The following UTRN variants were observed in gnomAD, a reference collection of about 807,000 sequenced individuals.
UTRN encodes the protein utrophin, also known as dystrophin-related protein 1.
A neutral mutation model predicts 463.9 loss-of-function variants in UTRN; 283 were observed. The observed-to-expected ratio is 0.61, with a 90% CI of 0.55 to 0.67. The LOEUF (loss-of-function observed/expected upper bound fraction) is 0.67, where lower values mean the gene tolerates loss of function less well. Among genes scored for constraint, UTRN ranks in the 30% least tolerant of loss-of-function variants. The probability of loss-of-function intolerance (pLI) is 0.00; values close to 1 mark genes in which losing one functional copy is unlikely to be tolerated. For missense variants in UTRN, 3,922 were observed against 4,084.3 expected (o/e 0.96, Z 1.08); for synonymous variants, 1,442 against 1,431.5 (o/e 1.01, Z -0.17).
At chr6:144,846,622 T>C (rs562919707) in intron 73 of UTRN, among the ~76,000 whole-genome samples, 183 bp from the exon 74 acceptor site, 1 of 152,006 alleles carries the variant, frequency 6.6e-6, no homozygotes, top group East Asian at 1.9e-4. Context: ...CTAGCCCTCA[T>C]TGAAGCATTA....
At chr6:144,526,758 T>G (rs1236478653) in intron 41 of UTRN, among the ~76,000 whole-genome samples, 1 of 152,024 alleles carries the variant, frequency 6.6e-6, no homozygotes, top group Non-Finnish European at 1.5e-5. Flanking sequence ...TTTTTTTTTT[T>G]TTTCATTTTG....
At chr6:144,448,443 A>G (rs1787914667) in intron 16 of UTRN, among the ~76,000 whole-genome samples, 157 bp from the exon 17 acceptor site, 2 of 152,180 alleles carry the variant, frequency 1.3e-5, no homozygotes, top group Admixed American at 1.3e-4. Context: ...GGGTGATAAA[A>G]TGTTCTGGAG....
intron 58 of UTRN, among the ~76,000 whole-genome samples, chr6:144,762,662 G>A (rs1792843789): frequency 1.3e-5 from 2 of 152,174 alleles, no homozygotes; most frequent in Admixed American, 1.3e-4. Flanking sequence ...GTTGGACCTT[G>A]AGAGGAACTC....
chr6:144,467,377 G>A (rs1045315662), intron 23 of UTRN, among the ~76,000 whole-genome samples: 1 of 152,210 alleles, frequency 6.6e-6, no homozygotes, highest in African/African-American at 2.4e-5. Flanking sequence ...GGTGAGAAAT[G>A]TGTGTCTCTC....
chr6:144,846,542 G>T (rs1262163358), intron 73 of UTRN, among the ~76,000 whole-genome samples: 2 of 152,192 alleles, frequency 1.3e-5, no homozygotes, highest in Admixed American at 1.3e-4. Context: ...AAGACTAAGT[G>T]CTCAGTGAAT....
chr6:144,504,854 C>T (rs1055885833), intron 34 of UTRN, among the ~76,000 whole-genome samples: 1 of 152,180 alleles, frequency 6.6e-6, no homozygotes, highest in African/African-American at 2.4e-5. Context: ...CTCTTAGTAT[C>T]TCTGGTAGAA....
intron 11 of UTRN, among the ~76,000 whole-genome samples, 155 bp downstream of exon 11, chr6:144,437,901 G>A (rs78961042): frequency 0.014 from 2,064 of 152,310 alleles, 52 homozygotes; most frequent in African/African-American, 0.047. Context: ...CTGGAATTCT[G>A]CATGATCTTT....
intron 2 of UTRN, among the ~76,000 whole-genome samples, chr6:144,379,039 T>C (rs183306241): frequency 5.9e-5 from 9 of 152,162 alleles, no homozygotes; most frequent in Admixed American, 1.3e-4. Flanking sequence ...GCAGAATAGA[T>C]TTGAGAGAGA....
Position 144,700,145 on chromosome 6 carries a change from C to T in UTRN, c.7711C>T (p.Leu2571=). 3.1e-6 allele frequency: 5 copies of T among 1,613,530 alleles called. No homozygotes were observed. Among genetic ancestry groups the T allele is most frequent in the Non-Finnish European group, 4.2e-6 (5 of 1,179,634 alleles). ...CAGGTTGCTGATGTCCTTAGAAGAA[C>T]TGATCAAATGGCTGAATATGAAAGA... ...WNRLLMSLEE[L]IKWLNMKDEE... is the part of the protein sequence containing the mutation. The change falls in exon 53 of 75, where the codon CTG becomes TTG. Residue 2571 remains leucine (L), a synonymous_variant. Transcript: ENST00000367545.
intron 2 of UTRN, among the ~76,000 whole-genome samples, chr6:144,327,108 C>T (rs903385670): frequency 1.3e-5 from 2 of 151,940 alleles, no homozygotes; most frequent in African/African-American, 4.8e-5. Flanking sequence ...AGAGATGTGA[C>T]GCCTGTGGAT....
chr6:144,530,366 C>G (rs1000496496), intron 41 of UTRN, among the ~76,000 whole-genome samples: 1 of 152,136 alleles, frequency 6.6e-6, no homozygotes. Context: ...CACTTATGAC[C>G]TCATTTAACC....
At chr6:144,505,657 A>T (rs1794633138) in intron 34 of UTRN, among the ~76,000 whole-genome samples, 1 of 152,136 alleles carries the variant, frequency 6.6e-6, no homozygotes, top group Non-Finnish European at 1.5e-5. Context: ...TTTGCTGAGG[A>T]GTGTTTTACT....
Position 144,451,422 on chromosome 6 carries a change from G to A in UTRN, c.2125G>A (p.Ala709Thr), listed in dbSNP as rs1446928499. The change falls in exon 18 of 75, where the codon GCC (alanine) becomes ACC (threonine). Residue 709 changes from alanine (A) to threonine (T), a missense_variant. By Grantham distance (58) the Ala-to-Thr change is moderately conservative (BLOSUM62 0). Coordinates refer to ENST00000367545, the MANE Select transcript of UTRN (RefSeq NM_007124.3). The part of the protein sequence containing the change: ...LLNWILKWKT[A>T]IQTTEIKEYM... ...GAACTGGATTTTGAAATGGAAAACT[G>A]CCATTCAGACCACAGAGATAAAAGA... The A allele has an allele frequency of 1.1e-5, 18 of 1,613,402 alleles. No homozygotes were observed. The highest frequency in any genetic ancestry group is 3.3e-4 in the Middle Eastern group (2 of 6,058).
intron 51 of UTRN, among the ~76,000 whole-genome samples, chr6:144,665,931 G>A (rs913718242): frequency 7.9e-5 from 12 of 152,126 alleles, no homozygotes; most frequent in African/African-American, 2.7e-4. Flanking sequence ...TCTTGCCATG[G>A]CCCCTCTGTG....
intron 23 of UTRN, among the ~76,000 whole-genome samples, chr6:144,466,264 T>C (rs1789953121): frequency 6.6e-6 from 1 of 152,254 alleles, no homozygotes; most frequent in South Asian, 2.1e-4. Context: ...AGTGTTTTCA[T>C]GGCCATGTGC....
In UTRN at chr6:144,824,610, A is replaced by ATATATC. The variant is rs1562955112; in HGVS notation, c.9495-2735_9495-2734insATCTAT. ...TATATATATATATATATATATATAT[A>ATATATC]TATCTTTTTTTTTTTTTTTTTTTTT... is the stretch of plus-strand genomic sequence containing the variant. On this transcript the variant is annotated intron_variant, in intron 66 of 74. Coordinates refer to ENST00000367545, the MANE Select transcript of UTRN (RefSeq NM_007124.3). Among the ~76,000 whole-genome samples, 5 of 43,614 alleles carry ATATATC rather than the reference A, an allele frequency of 1.1e-4. 1 individual carries two copies. The highest frequency in any genetic ancestry group is 1.5e-4 in the Non-Finnish European group (4 of 26,888). 28.6% of individuals were successfully genotyped at this position (43,614 alleles called of 152,430 possible).
chr6:144,619,525 C>T (rs1775127368), intron 51 of UTRN, among the ~76,000 whole-genome samples: 1 of 152,112 alleles, frequency 6.6e-6, no homozygotes, highest in Non-Finnish European at 1.5e-5. Context: ...TGGGTGTCTA[C>T]ACAGAAAAAG....
chr6:144,635,495 G>A (rs1473949481), intron 51 of UTRN, among the ~76,000 whole-genome samples: 1 of 136,260 alleles, frequency 7.3e-6, no homozygotes, highest in African/African-American at 2.8e-5. Flanking sequence ...GTATTACTTA[G>A]CAGCTAGCCT....
chr6:144,631,237 G>GGGGT (rs1554313464), intron 51 of UTRN, among the ~76,000 whole-genome samples: 1 of 147,418 alleles, frequency 6.8e-6, no homozygotes, highest in African/African-American at 2.5e-5. Flanking sequence ...GAGAGAGAGA[G>GGGGT]GTGTGTGTGT....
Sources: allele counts gnomAD v4.1 joint callset (sites outside exome capture counted in the v4.1 genomes callset), GRCh38; gene constraint gnomAD v4.1.1; transcripts MANE v1.5; gene names NCBI Gene and HGNC (gene_info 2026-07-23, HGNC 2026-07-21).